MYOM1: variants seen among roughly 807,000 people sequenced by gnomAD.
MYOM1 encodes the protein myomesin-1.
Under a neutral mutation model 205.3 loss-of-function variants are expected in MYOM1, and 164 were observed. That is an observed-to-expected ratio of 0.80 (90% CI 0.70 to 0.91). The LOEUF (loss-of-function observed/expected upper bound fraction) is 0.91, where lower values mean the gene tolerates loss of function less well. Ranked by LOEUF, MYOM1 falls within the 40% of genes least tolerant of loss-of-function variation. MYOM1 has a pLI of 0.00. For missense variants in MYOM1, 2,011 were observed against 2,127.3 expected, an observed-to-expected ratio of 0.95 and a Z score of 1.08; for synonymous variants, 772 against 789.4, an observed-to-expected ratio of 0.98 and a Z score of 0.37.
intron 23 of MYOM1, among the ~76,000 whole-genome samples, chr18:3,102,243 A>G (rs1598671410): frequency 6.6e-6 from 1 of 151,894 alleles, no homozygotes; most frequent in East Asian, 1.9e-4. Flanking sequence ...TGACCTCGTG[A>G]TCCACCTGCC....
intron 2 of MYOM1, among the ~76,000 whole-genome samples, chr18:3,195,557 A>AT (rs201319908): frequency 0.014 from 2,163 of 151,916 alleles, 23 homozygotes; most frequent in Non-Finnish European, 0.023. Flanking sequence ...TAAGAGTTTC[A>AT]TTTTTTCCCC....
rs764561365 is a variant in MYOM1 at position 3,067,436 on chromosome 18, G to A, written c.4884C>T (p.Thr1628=). Reference sequence around the variant, plus strand: ...TCACGCCGTTGATGGTGAAGTACGCGGTCCTCCCAGCCTCGAACTTGAGGT... The same window carrying A: ...TCACGCCGTTGATGGTGAAGTACGCAGTCCTCCCAGCCTCGAACTTGAGGT... ...HCNLKFEAGR[T]AYFTINGVST... Residue 1628 remains threonine, a synonymous_variant, in exon 38 of 38, where the codon ACC becomes ACT. Transcript: ENST00000356443. 3.2e-5 allele frequency: 51 copies of A among 1,613,602 alleles called. No individual in the cohort carries two copies. Among genetic ancestry groups the A allele is most frequent in the Admixed American group, 3.3e-5 (2 of 60,006 alleles).
chr18:3,076,282 G>T (rs1026819050), intron 34 of MYOM1, among the ~76,000 whole-genome samples: 2 of 152,126 alleles, frequency 1.3e-5, no homozygotes, highest in Non-Finnish European at 2.9e-5. Context: ...TGGGCAGGGT[G>T]GTCTCAAACT....
At chr18:3,089,284 A>T (rs2079192541) in intron 28 of MYOM1, 43 bp from the exon 29 acceptor site, 4 of 1,472,120 alleles carry the variant, frequency 2.7e-6, no homozygotes, top group Non-Finnish European at 3.8e-6. Flanking sequence ...TATTAATCAC[A>T]AATGCAAAAT....
intron 9 of MYOM1, among the ~76,000 whole-genome samples, chr18:3,165,560 C>A (rs2080455807): frequency 6.6e-6 from 1 of 151,890 alleles, no homozygotes; most frequent in Admixed American, 6.6e-5. Flanking sequence ...ATTCAAACCT[C>A]CTTGAAGAAT....
chr18:3,164,573 T>C (rs1458145771), intron 9 of MYOM1, 134 bp from the exon 10 acceptor site: 1 of 857,016 alleles, frequency 1.2e-6, no homozygotes, highest in Non-Finnish European at 1.7e-6. Flanking sequence ...CTCTAGGACT[T>C]TGAGCCATCC....
At chr18:3,242,324 T>C in the MYOM1 span, among the ~76,000 whole-genome samples, 3 of 152,144 alleles carry the variant, frequency 2.0e-5, no homozygotes, top group South Asian at 6.2e-4. Flanking sequence ...GCTATTCTCA[T>C]GATAGTTAAT....
At chr18:3,195,306 A>G (rs112022057) in intron 2 of MYOM1, among the ~76,000 whole-genome samples, 3,316 of 152,244 alleles carry the variant, frequency 0.022, 123 homozygotes, top group African/African-American at 0.074. Context: ...CTCTTTTTCT[A>G]TGATGAGCAT....
the MYOM1 span, among the ~76,000 whole-genome samples, chr18:3,233,611 G>A: frequency 0.051 from 7,791 of 152,232 alleles, 266 homozygotes; most frequent in Admixed American, 0.086. Flanking sequence ...CAGCTTTAAT[G>A]CTTTACTGAA....
At chr18:3,185,576 A>G (rs1317838075) in intron 5 of MYOM1, among the ~76,000 whole-genome samples, 1 of 152,180 alleles carries the variant, frequency 6.6e-6, no homozygotes, top group Non-Finnish European at 1.5e-5. Flanking sequence ...TTTAAGAAGA[A>G]ATGTCCCTTT....
At chr18:3,246,189 CTCGTGGTGGCAGGCCA>C in the MYOM1 span, 2 of 152,280 alleles carry the variant, frequency 1.3e-5, no homozygotes, top group African/African-American at 4.8e-5. Context: ...AGCTGGTGCT[CTCGTGGTGGCAGGCCA>C]CCACCCTGTG....
intron 37 of MYOM1, among the ~76,000 whole-genome samples, chr18:3,068,375 T>C (rs2078922247): frequency 6.6e-6 from 1 of 152,162 alleles, no homozygotes; most frequent in South Asian, 2.1e-4. Flanking sequence ...ATAACCAGTA[T>C]ATTGACATTG....
chr18:3,234,134 G>T, the MYOM1 span, among the ~76,000 whole-genome samples: 1 of 152,132 alleles, frequency 6.6e-6, no homozygotes, highest in Non-Finnish European at 1.5e-5. Flanking sequence ...GAGATAATGT[G>T]AATAAAACAC....
At chr18:3,083,595 A>ATT (rs59299057) in intron 33 of MYOM1, among the ~76,000 whole-genome samples, 194 bp downstream of exon 33, 6 of 107,150 alleles carry the variant, frequency 5.6e-5, no homozygotes, top group East Asian at 2.7e-4. Context: ...CGCCCAGCTC[A>ATT]TTTTTTTTTT....
chr18:3,168,187 TTTA>T (rs886251938), intron 9 of MYOM1, among the ~76,000 whole-genome samples: 11 of 152,240 alleles, frequency 7.2e-5, no homozygotes, highest in African/African-American at 2.7e-4. Context: ...ATATCAGGAT[TTTA>T]TTGTTTCATA....
intron 19 of MYOM1, among the ~76,000 whole-genome samples, chr18:3,121,077 T>C (rs150985421): frequency 1.8e-4 from 27 of 152,094 alleles, no homozygotes; most frequent in African/African-American, 5.3e-4. Context: ...ACACAGAACA[T>C]GATGTGGAAA....
At chr18:3,077,000 C>CA (rs2079027360) in intron 34 of MYOM1, among the ~76,000 whole-genome samples, 1 of 150,962 alleles carries the variant, frequency 6.6e-6, no homozygotes. Flanking sequence ...GCGTGAGCCA[C>CA]AGCTCCCAGC....
At chr18:3,090,568 T>C (rs539134262) in intron 27 of MYOM1, 90 bp downstream of exon 27, 33 of 1,520,792 alleles carry the variant, frequency 2.2e-5, no homozygotes, top group Non-Finnish European at 2.6e-5. Context: ...AAATTCCTAC[T>C]ACCTTTCAAA....
At chr18:3,230,386 C>T in the MYOM1 span, among the ~76,000 whole-genome samples, 4 of 152,194 alleles carry the variant, frequency 2.6e-5, no homozygotes, top group African/African-American at 9.7e-5. Flanking sequence ...GCCCAGGTAA[C>T]GAAAGGACCA....
Sources: allele counts gnomAD v4.1 joint callset (sites outside exome capture counted in the v4.1 genomes callset), GRCh38; gene constraint gnomAD v4.1.1; transcripts MANE v1.5; gene names NCBI Gene and HGNC (gene_info 2026-07-23, HGNC 2026-07-21).